Variants in EDIL3 observed in about 807,000 individuals in gnomAD.
The protein encoded by EDIL3 is EGF-like repeat and discoidin I-like domain-containing protein 3.
A neutral mutation model predicts 67.4 loss-of-function variants in EDIL3; 37 were observed. The observed-to-expected ratio is 0.55, with a 90% CI of 0.42 to 0.72. EDIL3 has a LOEUF of 0.72. EDIL3 is among the 30% of genes least tolerant of loss of function. The probability of loss-of-function intolerance (pLI) is 0.00; values close to 1 mark genes in which losing one functional copy is unlikely to be tolerated. For missense variants in EDIL3, 527 were observed against 586.3 expected (o/e 0.90, Z 1.04); for synonymous variants, 195 against 196.3 (o/e 0.99, Z 0.05).
At chr5:84,296,224 C>T (rs1051205941) in intron 1 of EDIL3, among the ~76,000 whole-genome samples, 1 of 152,174 alleles carries the variant, frequency 6.6e-6, no homozygotes, top group Non-Finnish European at 1.5e-5. Flanking sequence ...CAGGGAACCC[C>T]TCTTTCTTTC....
At chr5:84,254,983 G>GT (rs1263556540) in intron 1 of EDIL3, among the ~76,000 whole-genome samples, 1 of 152,178 alleles carries the variant, frequency 6.6e-6, no homozygotes, top group African/African-American at 2.4e-5. Context: ...GTCATCTGAG[G>GT]TAACTGGGGA....
intron 1 of EDIL3, among the ~76,000 whole-genome samples, chr5:84,325,037 A>C (rs934125248): frequency 1.3e-5 from 2 of 151,830 alleles, no homozygotes; most frequent in Non-Finnish European, 2.9e-5. Context: ...GGAAGGAGCA[A>C]CTCTTAGTAG....
intron 6 of EDIL3, among the ~76,000 whole-genome samples, chr5:84,094,526 C>A (rs1285206158): frequency 1.3e-5 from 2 of 151,796 alleles, no homozygotes; most frequent in Admixed American, 6.6e-5. Flanking sequence ...AAAAAAAAAT[C>A]TACTTCTTAA....
chr5:84,274,958 T>C (rs1000147672), intron 1 of EDIL3, among the ~76,000 whole-genome samples: 5 of 152,214 alleles, frequency 3.3e-5, no homozygotes, highest in African/African-American at 4.8e-5. Flanking sequence ...TAGTTTAGTA[T>C]AAGATATACT....
At chr5:83,961,073 G>A (rs966675655) in intron 10 of EDIL3, among the ~76,000 whole-genome samples, 2 of 150,868 alleles carry the variant, frequency 1.3e-5, no homozygotes, top group African/African-American at 2.4e-5. Context: ...GGAGTTAATC[G>A]ATATCTATTA....
At chr5:84,376,275 T>C (rs1436087870) in intron 1 of EDIL3, among the ~76,000 whole-genome samples, 3 of 152,170 alleles carry the variant, frequency 2.0e-5, no homozygotes, top group Admixed American at 6.5e-5. Flanking sequence ...GAATGTACCT[T>C]GTTAACTTAT....
chr5:84,281,940 C>T (rs1316851978), intron 1 of EDIL3, among the ~76,000 whole-genome samples: 1 of 141,072 alleles, frequency 7.1e-6, no homozygotes, highest in African/African-American at 2.6e-5. Context: ...GATCTCGGCT[C>T]GCTGCAACCT....
At chr5:84,309,833 T>A (rs1450765827) in intron 1 of EDIL3, among the ~76,000 whole-genome samples, 1 of 152,196 alleles carries the variant, frequency 6.6e-6, no homozygotes, top group Admixed American at 6.5e-5. Context: ...GCAGCATGAT[T>A]TATAGTCCTT....
At chr5:84,085,939 G>A (rs1004671290) in intron 6 of EDIL3, among the ~76,000 whole-genome samples, 5 of 152,114 alleles carry the variant, frequency 3.3e-5, no homozygotes, top group African/African-American at 7.2e-5. Context: ...CTGCTTTGCC[G>A]CGCCTCTTTG....
At chr5:84,244,631 G>A (rs1227974235) in intron 2 of EDIL3, among the ~76,000 whole-genome samples, 2 of 152,122 alleles carry the variant, frequency 1.3e-5, no homozygotes, top group South Asian at 4.2e-4. Context: ...TCATATCTTT[G>A]TCTTCATTCT....
At chr5:84,115,252 T>C (rs551618361) in intron 5 of EDIL3, among the ~76,000 whole-genome samples, 1 of 152,290 alleles carries the variant, frequency 6.6e-6, no homozygotes, top group East Asian at 1.9e-4. Context: ...GAAAACCACA[T>C]TTATAAAGTC....
At chr5:84,156,133 A>G (rs1748485429) in intron 4 of EDIL3, among the ~76,000 whole-genome samples, 1 of 152,192 alleles carries the variant, frequency 6.6e-6, no homozygotes, top group Admixed American at 6.5e-5. Context: ...CTGCCTTAGG[A>G]ACCCAAGTTT....
At chr5:84,231,274 AAG>A (rs1261331218) in intron 2 of EDIL3, among the ~76,000 whole-genome samples, 1 of 152,152 alleles carries the variant, frequency 6.6e-6, no homozygotes, top group Non-Finnish European at 1.5e-5. Flanking sequence ...AAGAGTGAAA[AAG>A]AAGTTTGTCT....
At chr5:84,299,072 T>C (rs1420237156) in intron 1 of EDIL3, among the ~76,000 whole-genome samples, 3 of 152,116 alleles carry the variant, frequency 2.0e-5, no homozygotes, top group Non-Finnish European at 4.4e-5. Context: ...TGAAATACTG[T>C]GAAGGACAAC....
At chr5:84,095,404 G>A (rs569279194) in intron 6 of EDIL3, among the ~76,000 whole-genome samples, 12 of 152,162 alleles carry the variant, frequency 7.9e-5, no homozygotes, top group Non-Finnish European at 1.6e-4. Context: ...TGGTTGAATG[G>A]CTTTGACCAA....
intron 6 of EDIL3, among the ~76,000 whole-genome samples, chr5:84,075,090 A>G (rs1011991525): frequency 6.6e-6 from 1 of 152,086 alleles, no homozygotes; most frequent in Non-Finnish European, 1.5e-5. Context: ...TCAGCAAACT[A>G]TCGCAAGGAC....
At chr5:84,368,890 T>C (rs573766950) in intron 1 of EDIL3, among the ~76,000 whole-genome samples, 1 of 152,058 alleles carries the variant, frequency 6.6e-6, no homozygotes, top group East Asian at 1.9e-4. Context: ...TCACTAATAG[T>C]TGGGAAAATG....
chr5:84,102,530 A>G (rs1248703107), intron 6 of EDIL3, among the ~76,000 whole-genome samples: 1 of 151,942 alleles, frequency 6.6e-6, no homozygotes, highest in Admixed American at 6.6e-5. Context: ...ACATACAAAA[A>G]TTACTGGCAT....
chr5:83,963,165 C>G, intron 10 of EDIL3, 40 bp downstream of exon 10: 1 of 1,552,112 alleles, frequency 6.4e-7, no homozygotes. Flanking sequence ...TAATTTGATC[C>G]TCCACTTCTG....
Sources: gnomAD v4.1 joint callset for allele counts (sites outside exome capture counted in the v4.1 genomes callset) on GRCh38, gnomAD v4.1.1 for gene constraint, MANE v1.5 for transcripts, NCBI Gene and HGNC (gene_info 2026-07-23, HGNC 2026-07-21) for gene names.